GPC3: variants seen among roughly 807,000 people sequenced by gnomAD.
The protein encoded by GPC3 is glypican-3.
In GPC3, 3 loss-of-function variants were observed where a neutral mutation model predicts 34.4. That is an observed-to-expected ratio of 0.09 (90% CI 0.04 to 0.23). GPC3 has a LOEUF of 0.23. GPC3 is among the 10% of genes least tolerant of loss of function. The probability of loss-of-function intolerance (pLI) is 1.00; values close to 1 mark genes in which losing one functional copy is unlikely to be tolerated. For missense variants in GPC3, 351 were observed against 445.6 expected, an observed-to-expected ratio of 0.79 and a Z score of 1.91; for synonymous variants, 177 against 174.0, an observed-to-expected ratio of 1.02 and a Z score of -0.13.
chrX:133,727,910 T>C, intron 3 of GPC3, among the ~76,000 whole-genome samples: 1 of 112,379 alleles, frequency 8.9e-6, no homozygotes, highest in Middle Eastern at 4.6e-3. Flanking sequence ...GCATGAGAAA[T>C]AGTTAAAGGA....
chrX:133,936,933 C>T (rs796178055), intron 2 of GPC3, among the ~76,000 whole-genome samples: 1 of 111,328 alleles, frequency 9.0e-6, no homozygotes, highest in East Asian at 2.8e-4. Flanking sequence ...GTCTATCTGG[C>T]GCCAAAGAAA....
intron 2 of GPC3, among the ~76,000 whole-genome samples, chrX:133,795,316 T>C (rs1480677515): frequency 3.6e-5 from 4 of 112,624 alleles, no homozygotes; most frequent in African/African-American, 1.3e-4. Context: ...TGTCTTCCCC[T>C]TGTGGTAATT....
chrX:133,906,431 T>C (rs1029071819), intron 2 of GPC3, among the ~76,000 whole-genome samples: 2 of 112,304 alleles, frequency 1.8e-5, no homozygotes, highest in African/African-American at 3.2e-5. Flanking sequence ...AAGAGGTAAA[T>C]TGAACTCGAT....
chrX:133,685,060 T>C (rs1257737366), intron 5 of GPC3, among the ~76,000 whole-genome samples: 1 of 110,878 alleles, frequency 9.0e-6, no homozygotes, highest in Non-Finnish European at 1.9e-5. Context: ...AATTGATCCA[T>C]GTAACAAAAA....
At chrX:133,555,103 G>A (rs2069475382) in intron 7 of GPC3, among the ~76,000 whole-genome samples, 1 of 111,814 alleles carries the variant, frequency 8.9e-6, no homozygotes, top group African/African-American at 3.3e-5. Flanking sequence ...CAGGTGGAGT[G>A]CAGTGATGCA....
At chrX:133,879,202 T>TCCCTTG (rs1454401429) in intron 2 of GPC3, among the ~76,000 whole-genome samples, 1 of 110,286 alleles carries the variant, frequency 9.1e-6, no homozygotes. Context: ...TAGGGTTAAG[T>TCCCTTG]CCCTTGCCTC....
chrX:133,574,802 G>C (rs1569386355), intron 7 of GPC3, among the ~76,000 whole-genome samples: 1 of 112,302 alleles, frequency 8.9e-6, no homozygotes, highest in Non-Finnish European at 1.9e-5. Context: ...TACTGTCTTT[G>C]CTGGGAGAAT....
chrX:133,681,661 G>A (rs1407072277), intron 5 of GPC3, among the ~76,000 whole-genome samples: 1 of 111,772 alleles, frequency 8.9e-6, no homozygotes, highest in East Asian at 2.8e-4. Context: ...CCACAACAAT[G>A]ACAACTGCCA....
chrX:133,640,694 A>G (rs1409741728), intron 6 of GPC3, among the ~76,000 whole-genome samples: 1 of 112,280 alleles, frequency 8.9e-6, no homozygotes, highest in East Asian at 2.8e-4. Flanking sequence ...AACCATGAAT[A>G]AGCCCCAGAT....
At chrX:133,755,895 C>T (rs1257916232) in intron 2 of GPC3, among the ~76,000 whole-genome samples, 4 of 112,041 alleles carry the variant, frequency 3.6e-5, no homozygotes, top group African/African-American at 9.7e-5. Flanking sequence ...TCAACAAATT[C>T]GTTAAAATCA....
chrX:133,737,779 A>G (rs1603236805), intron 3 of GPC3, among the ~76,000 whole-genome samples: 2 of 111,711 alleles, frequency 1.8e-5, no homozygotes, highest in African/African-American at 6.5e-5. Flanking sequence ...CACATACTAA[A>G]ACTGCTGTTT....
At chrX:133,716,010 G>C (rs766381870) in intron 3 of GPC3, among the ~76,000 whole-genome samples, 3 of 111,829 alleles carry the variant, frequency 2.7e-5, no homozygotes, top group Non-Finnish European at 5.6e-5. Context: ...ACTGGTTCCA[G>C]AAAGTTAAGG....
chrX:133,784,659 T>C (rs941893674), intron 2 of GPC3, among the ~76,000 whole-genome samples: 4 of 112,499 alleles, frequency 3.6e-5, no homozygotes, highest in African/African-American at 9.7e-5. Context: ...AAGGAAATTG[T>C]TATTGTTAGA....
At chrX:133,863,698 G>C (rs1282542087) in intron 2 of GPC3, among the ~76,000 whole-genome samples, 1 of 88,860 alleles carries the variant, frequency 1.1e-5, no homozygotes, top group Non-Finnish European at 2.1e-5. Context: ...GCCCAGGTCG[G>C]ACTGCGGACT....
chrX:133,580,069 G>A (rs1484894601), intron 7 of GPC3, among the ~76,000 whole-genome samples: 1 of 112,309 alleles, frequency 8.9e-6, no homozygotes, highest in African/African-American at 3.2e-5. Flanking sequence ...ATAGGATGGA[G>A]TAGGGGTTAG....
rs1455639185 is a variant in GPC3 at position 133,985,390 on chromosome X, G to T, written c.60C>A (p.Phe20Leu). The T allele has an allele frequency of 8.4e-7, 1 of 1,193,675 alleles. No homozygotes were observed. The highest frequency in any genetic ancestry group is 1.8e-5 in the South Asian group (1 of 54,638). Residue 20 changes from phenylalanine to leucine, a missense_variant, in exon 1 of 8, where the codon TTC becomes TTA. Phe to Leu is a conservative substitution (Grantham distance 22, BLOSUM62 0). Transcript: ENST00000370818. ...LVVAMLLSLD[F>L]PGQAQPPPPP... is the part of the protein sequence containing the mutation. The stretch of plus-strand genomic sequence containing the variant: ...GCGGCGGGGGCTGCGCCTGTCCCGG[G>T]AAGTCCAAGCTGAGCAGCATCGCCA...
intron 5 of GPC3, among the ~76,000 whole-genome samples, chrX:133,691,506 A>AC (rs2071062855): frequency 9.1e-6 from 1 of 110,302 alleles, no homozygotes; most frequent in African/African-American, 3.3e-5. Flanking sequence ...CTCAAAAAAA[A>AC]AAACAAACAA....
intron 5 of GPC3, among the ~76,000 whole-genome samples, chrX:133,670,151 C>T (rs1214043827): frequency 9.0e-6 from 1 of 111,666 alleles, no homozygotes; most frequent in Non-Finnish European, 1.9e-5. Flanking sequence ...CATTTCTGTT[C>T]TGGCTGAGGC....
intron 6 of GPC3, among the ~76,000 whole-genome samples, chrX:133,598,852 A>C (rs952165699): frequency 8.0e-5 from 9 of 111,980 alleles, no homozygotes; most frequent in Non-Finnish European, 1.7e-4. Flanking sequence ...CCCAATGTCA[A>C]CACCTTTCAT....
Sources: gnomAD v4.1 joint callset for allele counts (sites outside exome capture counted in the v4.1 genomes callset) on GRCh38, gnomAD v4.1.1 for gene constraint, MANE v1.5 for transcripts, NCBI Gene and HGNC (gene_info 2026-07-23, HGNC 2026-07-21) for gene names.